The following COL23A1 variants were observed in gnomAD, a reference collection of about 807,000 sequenced individuals.
COL23A1 encodes the protein collagen alpha-1(XXIII) chain.
In COL23A1, 97 loss-of-function variants were observed where a neutral mutation model predicts 99.3. The observed-to-expected ratio is 0.98, with a 90% CI of 0.83 to 1.16. The LOEUF (loss-of-function observed/expected upper bound fraction) is 1.16. Ranked by LOEUF, COL23A1 falls within the 50% of genes most tolerant of loss-of-function variation. The pLI, the probability that COL23A1 is intolerant of heterozygous loss-of-function variation, is 0.00. For missense variants in COL23A1, 762 were observed against 757.4 expected (o/e 1.01, Z -0.07); for synonymous variants, 320 against 308.2 (o/e 1.04, Z -0.40).
At chr5:178,461,844 T>C (rs1345094993) in intron 2 of COL23A1, among the ~76,000 whole-genome samples, 4 of 152,200 alleles carry the variant, frequency 2.6e-5, no homozygotes, top group Non-Finnish European at 5.9e-5. Context: ...CAATGGCATG[T>C]TGGAGGAAAA....
chr5:178,367,299 G>A (rs1045803132), intron 2 of COL23A1, among the ~76,000 whole-genome samples: 29 of 152,190 alleles, frequency 1.9e-4, no homozygotes, highest in Admixed American at 1.8e-3. Flanking sequence ...ACGTCTGAGA[G>A]GGGCGTTTGG....
intron 2 of COL23A1, among the ~76,000 whole-genome samples, chr5:178,344,406 G>A (rs1760846373): frequency 6.6e-6 from 1 of 152,150 alleles, no homozygotes; most frequent in East Asian, 1.9e-4. Context: ...GGAGACCAAG[G>A]TGGGTGGATC....
At chr5:178,453,626 G>A (rs112016559) in intron 2 of COL23A1, among the ~76,000 whole-genome samples, 98 of 152,230 alleles carry the variant, frequency 6.4e-4, no homozygotes, top group African/African-American at 2.3e-3. Flanking sequence ...CTTAAGATTG[G>A]CCCACAGTAG....
At chr5:178,492,393 C>T (rs969050175) in intron 2 of COL23A1, among the ~76,000 whole-genome samples, 9 of 151,980 alleles carry the variant, frequency 5.9e-5, no homozygotes, top group African/African-American at 1.5e-4. Context: ...GAGGGAAGGC[C>T]GTGTGAGGAC....
At chr5:178,419,642 C>A (rs1466639759) in intron 2 of COL23A1, among the ~76,000 whole-genome samples, 1 of 152,190 alleles carries the variant, frequency 6.6e-6, no homozygotes, top group African/African-American at 2.4e-5. Flanking sequence ...CTCTTCTCCC[C>A]ACCTCGTGTT....
At chr5:178,375,086 T>C (rs1191346664) in intron 2 of COL23A1, among the ~76,000 whole-genome samples, 1 of 152,194 alleles carries the variant, frequency 6.6e-6, no homozygotes, top group African/African-American at 2.4e-5. Context: ...AATATCACTC[T>C]GCCATCGAAA....
chr5:178,389,265 C>T (rs1024655425), intron 2 of COL23A1, among the ~76,000 whole-genome samples: 2 of 152,184 alleles, frequency 1.3e-5, no homozygotes, highest in Non-Finnish European at 2.9e-5. Context: ...TCCCAATGCC[C>T]CTTTCAACAC....
chr5:178,418,361 A>C (rs1190258916), intron 2 of COL23A1, among the ~76,000 whole-genome samples: 1 of 152,214 alleles, frequency 6.6e-6, no homozygotes, highest in African/African-American at 2.4e-5. Context: ...TATTAGACTT[A>C]AGGCTTGAAG....
rs1758363595 is a variant in COL23A1 at position 178,306,546 on chromosome 5, GGGTGTGGCT to G, written c.406+320_406+328del. On this transcript the variant is annotated intron_variant, in intron 3 of 28. Coordinates refer to ENST00000390654, the MANE Select transcript of COL23A1 (RefSeq NM_173465.4). The surrounding 1 kb of genome is among the most constrained non-coding windows in gnomAD (Gnocchi z 4.1). ...GTTGTGCTGAAGGACCCATGGGGGA[GGGTGTGGCT>G]GGCGGAGTCATCACCTTCTGCCTCA... is the stretch of plus-strand genomic sequence containing the variant. Among the ~76,000 whole-genome samples, 2 of 151,626 alleles carry G rather than the reference GGGTGTGGCT, an allele frequency of 1.3e-5. No homozygotes were observed. The highest frequency in any genetic ancestry group is 4.9e-5 in the African/African-American group (2 of 41,222).
At chr5:178,541,310 G>A (rs1408302248) in intron 2 of COL23A1, among the ~76,000 whole-genome samples, 5 of 152,312 alleles carry the variant, frequency 3.3e-5, no homozygotes, top group East Asian at 1.9e-4. Context: ...ATTTGGGGCC[G>A]GGCACAGTGG....
At chr5:178,329,936 CA>C (rs11367167) in intron 2 of COL23A1, among the ~76,000 whole-genome samples, 87,173 of 135,306 alleles carry the variant, frequency 0.64, 27,405 homozygotes, top group East Asian at 0.94. Flanking sequence ...GATTCTGTCT[CA>C]AAAAAAAAAA....
Position 178,267,305 on chromosome 5 carries a change from AC to A in COL23A1, c.522+1del, listed in dbSNP as rs1432317111. Reference sequence around the variant, plus strand: ...GTGAGGGAGGTCATGCCTGGTTCTTACCCGGGGGCCAAAGTCTCCTGGTGCA... The same window carrying A: ...GTGAGGGAGGTCATGCCTGGTTCTTACCGGGGGCCAAAGTCTCCTGGTGCA... On this transcript the variant is annotated splice_donor_variant, in intron 8 of 28. Transcript: ENST00000390654. LOFTEE classifies it high-confidence loss of function. The A allele has an allele frequency of 1.2e-6, 2 of 1,614,082 alleles. No individual in the cohort carries two copies. Among genetic ancestry groups the A allele is most frequent in the Admixed American group, 3.3e-5 (2 of 60,022 alleles).
chr5:178,484,559 C>T (rs985862425), intron 2 of COL23A1, among the ~76,000 whole-genome samples: 3 of 152,062 alleles, frequency 2.0e-5, no homozygotes, highest in Non-Finnish European at 4.4e-5. Flanking sequence ...CGTGGTGGCT[C>T]ACGCCTGTAA....
intron 4 of COL23A1, 107 bp from the exon 5 acceptor site, chr5:178,288,457 G>A (rs1757276167): frequency 1.3e-5 from 12 of 951,232 alleles, no homozygotes; most frequent in Non-Finnish European, 2.1e-5. Context: ...CCGACAGCTG[G>A]TTGGTGACTT....
In COL23A1 at chr5:178,589,996, G is replaced by C; in HGVS notation, c.202C>G (p.Leu68Val). 1 of 1,344,410 alleles carries C rather than the reference G, an allele frequency of 7.4e-7. No individual in the cohort carries two copies. The highest frequency in any genetic ancestry group is 9.5e-7 in the Non-Finnish European group (1 of 1,052,300). 83.3% of individuals were successfully genotyped at this position (1,344,410 alleles called of 1,614,324 possible). A position where few individuals can be genotyped will look rare whatever the true frequency, so the allele number is the denominator to read the frequency against. Residue 68 changes from leucine (L) to valine (V), a missense_variant, in exon 1 of 29, where the codon CTC (leucine) becomes GTC (valine). Coordinates refer to ENST00000390654, the MANE Select transcript of COL23A1 (RefSeq NM_173465.4). This position sits in a 1 kb window ranked among gnomAD's most constrained non-coding sequence, Gnocchi z 5.4. ...AAALQGRVAA[L>V]EEERELLRRA... ...CGCAGCAGCTCCCGCTCCTCCTCGA[G>C]CGCCGCCACCCGGCCCTGCAGCGCG...
intron 2 of COL23A1, among the ~76,000 whole-genome samples, chr5:178,361,679 C>A (rs1762182442): frequency 6.6e-6 from 1 of 152,166 alleles, no homozygotes; most frequent in Admixed American, 6.5e-5. Flanking sequence ...ACCACCCCAA[C>A]CCTGACGGCT....
chr5:178,579,547 G>A (rs1173513327), intron 1 of COL23A1, among the ~76,000 whole-genome samples: 1 of 152,044 alleles, frequency 6.6e-6, no homozygotes, highest in Admixed American at 6.6e-5. Context: ...TCTGCCTCCC[G>A]GGTTCAAGAG....
rs891923065 is a variant in COL23A1 at position 178,468,004 on chromosome 5, G to A, written c.361+92678C>T. Among the ~76,000 whole-genome samples, 5 of 152,184 alleles carry A rather than the reference G, an allele frequency of 3.3e-5. No homozygotes were observed. The highest frequency in any genetic ancestry group is 6.5e-5 in the Admixed American group (1 of 15,280). Reference sequence around the variant, plus strand: ...CACTGAGAAGGAACTGGAAGGCGGCGATGCTCTCTGGAGCGGACAGGCGTA... The same window carrying A: ...CACTGAGAAGGAACTGGAAGGCGGCAATGCTCTCTGGAGCGGACAGGCGTA... On this transcript the variant is annotated intron_variant, in intron 2 of 28. Transcript: ENST00000390654. This position sits in a 1 kb window ranked among gnomAD's most constrained non-coding sequence, Gnocchi z 4.2.
chr5:178,462,404 A>T (rs1756169278), intron 2 of COL23A1, among the ~76,000 whole-genome samples: 1 of 152,240 alleles, frequency 6.6e-6, no homozygotes, highest in Non-Finnish European at 1.5e-5. Context: ...TGAGGCTAAG[A>T]TAAACCTGTA....
Sources: gnomAD v4.1 joint callset for allele counts (sites outside exome capture counted in the v4.1 genomes callset) on GRCh38, gnomAD v4.1.1 for gene constraint, Gnocchi (gnomAD v3.1) non-coding constraint, MANE v1.5 for transcripts, NCBI Gene and HGNC (gene_info 2026-07-23, HGNC 2026-07-21) for gene names.